Variants in RARB observed in about 807,000 individuals in gnomAD.
The protein encoded by RARB is retinoic acid receptor beta, also known as HBV-activated protein.
In RARB, 17 loss-of-function variants were observed where a neutral mutation model predicts 51.9. The ratio of observed to expected loss-of-function variants is 0.33; its 90% CI spans 0.22 to 0.49. RARB has a LOEUF of 0.49. Ranked by LOEUF, RARB falls within the 20% of genes least tolerant of loss-of-function variation. The pLI, the probability that RARB is intolerant of heterozygous loss-of-function variation, is 0.99. For missense variants in RARB, 369 were observed against 550.8 expected, an observed-to-expected ratio of 0.67 and a Z score of 3.30; for synonymous variants, 215 against 195.4, an observed-to-expected ratio of 1.10 and a Z score of -0.84.
upstream of RARB, among the ~76,000 whole-genome samples, chr3:25,427,466 C>T (rs984540698): frequency 3.3e-5 from 5 of 152,202 alleles, no homozygotes; most frequent in African/African-American, 1.2e-4. Flanking sequence ...GAATCTAGTT[C>T]AGTTTGATTC....
intron 5 of RARB, among the ~76,000 whole-genome samples, chr3:25,414,564 T>C (rs184009658): frequency 2.6e-5 from 4 of 152,336 alleles, no homozygotes; most frequent in South Asian, 4.1e-4. Context: ...ATCACAGCAA[T>C]ACTTGGTATG....
At chr3:24,978,093 G>A (rs965218319) in intron 2 of RARB, among the ~76,000 whole-genome samples, 1 of 152,170 alleles carries the variant, frequency 6.6e-6, no homozygotes, top group African/African-American at 2.4e-5. Context: ...GCATCCCAGG[G>A]ATGGAGCCCA....
chr3:25,494,149 C>G (rs1053136469), intron 2 of RARB, among the ~76,000 whole-genome samples: 3 of 152,192 alleles, frequency 2.0e-5, no homozygotes, highest in South Asian at 2.1e-4. Flanking sequence ...GACTCTAGCC[C>G]TCTACTGCAC....
chr3:25,186,006 T>C (rs1700967081), intron 5 of RARB, among the ~76,000 whole-genome samples: 1 of 152,062 alleles, frequency 6.6e-6, no homozygotes, highest in Admixed American at 6.6e-5. Flanking sequence ...CAAAGGAGTA[T>C]TATGGAATGG....
At chr3:25,499,553 A>T (rs1697191394) in intron 2 of RARB, among the ~76,000 whole-genome samples, 1 of 152,216 alleles carries the variant, frequency 6.6e-6, no homozygotes, top group Non-Finnish European at 1.5e-5. Context: ...CTGGAGCCTG[A>T]AGTCTGCTTT....
chr3:24,856,785 G>A (rs80279022), intron 1 of RARB, among the ~76,000 whole-genome samples: 1,947 of 152,268 alleles, frequency 0.013, 51 homozygotes, highest in African/African-American at 0.043. Flanking sequence ...TCCCCTCTGT[G>A]AGTTCAAGAG....
At chr3:25,238,927 C>G (rs1472339689) in intron 5 of RARB, among the ~76,000 whole-genome samples, 1 of 151,820 alleles carries the variant, frequency 6.6e-6, no homozygotes. Flanking sequence ...TGCAGTAAGC[C>G]GAGATCACAC....
chr3:25,370,415 A>C (rs1706262909), intron 5 of RARB, among the ~76,000 whole-genome samples: 1 of 152,232 alleles, frequency 6.6e-6, no homozygotes. Flanking sequence ...AAGTACCTTA[A>C]GGAAGAGTTG....
intron 3 of RARB, among the ~76,000 whole-genome samples, chr3:25,557,561 C>G (rs1458271979): frequency 6.6e-6 from 1 of 152,076 alleles, no homozygotes; most frequent in Non-Finnish European, 1.5e-5. Flanking sequence ...CCTTTGTTCC[C>G]TCACCATCAT....
chr3:24,882,330 T>G (rs1384083233), intron 2 of RARB, among the ~76,000 whole-genome samples: 1 of 152,224 alleles, frequency 6.6e-6, no homozygotes, highest in African/African-American at 2.4e-5. Context: ...TTGTGTGTAC[T>G]CTAGATATTC....
chr3:25,096,330 G>C (rs1699291755), intron 3 of RARB, among the ~76,000 whole-genome samples: 1 of 152,156 alleles, frequency 6.6e-6, no homozygotes, highest in Non-Finnish European at 1.5e-5. Context: ...GGTGCCTCAA[G>C]AGGGGAGAGA....
At chr3:24,908,663 GTTTTTTTT>G (rs59008287) in intron 2 of RARB, among the ~76,000 whole-genome samples, 2 of 93,462 alleles carry the variant, frequency 2.1e-5, no homozygotes, top group African/African-American at 3.8e-5. Flanking sequence ...AACCACAACT[GTTTTTTTT>G]TTTTTTTTTT....
chr3:25,544,518 A>G (rs1699528870), intron 3 of RARB, among the ~76,000 whole-genome samples: 1 of 152,196 alleles, frequency 6.6e-6, no homozygotes, highest in Admixed American at 6.5e-5. Context: ...CAGTTAGTTC[A>G]TCTCATGCCC....
At chr3:25,555,732 C>T (rs909910013) in intron 3 of RARB, 4 of 152,198 alleles carry the variant, frequency 2.6e-5, no homozygotes, top group African/African-American at 7.2e-5. Flanking sequence ...ATCTTACACC[C>T]ACAAGGTATG....
chr3:25,093,084 G>A (rs1053130826), intron 3 of RARB, among the ~76,000 whole-genome samples: 4 of 152,154 alleles, frequency 2.6e-5, no homozygotes, highest in South Asian at 2.1e-4. Flanking sequence ...GTCATCTCAT[G>A]CTCTGGTACA....
intron 1 of RARB, among the ~76,000 whole-genome samples, chr3:25,446,609 C>T (rs955819241): frequency 1.1e-4 from 16 of 152,014 alleles, no homozygotes; most frequent in African/African-American, 3.9e-4. Flanking sequence ...TGAGACCATC[C>T]TGGCGAACAC....
At chr3:24,978,745 A>G (rs532546591) in intron 2 of RARB, among the ~76,000 whole-genome samples, 2 of 148,944 alleles carry the variant, frequency 1.3e-5, no homozygotes, top group South Asian at 2.1e-4. Flanking sequence ...TTGTGTCTCT[A>G]TCTCCTTTAG....
At chr3:25,529,546 A>T (rs1012592808) in intron 3 of RARB, among the ~76,000 whole-genome samples, 2 of 152,194 alleles carry the variant, frequency 1.3e-5, no homozygotes, top group Non-Finnish European at 2.9e-5. Flanking sequence ...AAACTGAGGA[A>T]ATGATGAAAT....
intron 1 of RARB, among the ~76,000 whole-genome samples, chr3:25,440,793 A>G (rs1708641234): frequency 1.3e-5 from 2 of 152,134 alleles, no homozygotes. Flanking sequence ...AAAAAATTAA[A>G]AAAAAATCCA....
Sources: allele counts gnomAD v4.1 joint callset (sites outside exome capture counted in the v4.1 genomes callset), GRCh38; gene constraint gnomAD v4.1.1; transcripts MANE v1.5; gene names NCBI Gene and HGNC (gene_info 2026-07-23, HGNC 2026-07-21).